The following HMGA2 variants were observed in gnomAD, a reference collection of about 807,000 sequenced individuals.
The protein encoded by HMGA2 is high mobility group AT-hook 2, also known as high mobility group protein HMGI-C.
HMGA2 carries 8 observed loss-of-function variants against 19.1 expected under a neutral mutation model. That is an observed-to-expected ratio of 0.42 (90% CI 0.25 to 0.76). The LOEUF (loss-of-function observed/expected upper bound fraction) is 0.76. Among genes scored for constraint, HMGA2 ranks in the 30% least tolerant of loss-of-function variants. HMGA2 has a pLI of 0.28. For synonymous variants in HMGA2, 60 were observed against 48.8 expected (o/e 1.23, Z -0.96); for missense variants, 109 against 136.3 (o/e 0.80, Z 1.00).
At chr12:65,880,499 T>C (rs1873318547) in intron 3 of HMGA2, among the ~76,000 whole-genome samples, 1 of 152,184 alleles carries the variant, frequency 6.6e-6, no homozygotes, top group Admixed American at 6.5e-5. Flanking sequence ...TATGGGAAAT[T>C]AGAGACCTCA....
At chr12:65,881,945 C>G in intron 3 of HMGA2, 1 of 700,602 alleles carries the variant, frequency 1.4e-6, no homozygotes. Context: ...ATTCCAATTG[C>G]GGGGGTTCCT....
rs1458167402 is a variant in HMGA2, at chr12:65,964,011, A to G, written c.*719A>G. 4.8e-6 allele frequency: 1 copy of G among 208,398 alleles called. No individual in the cohort carries two copies. Among genetic ancestry groups the G allele is most frequent in the Non-Finnish European group, 9.8e-6 (1 of 102,280 alleles). 12.9% of individuals were successfully genotyped at this position (208,398 alleles called of 1,614,324 possible). A position where few individuals can be genotyped will look rare whatever the true frequency, so the allele number is the denominator to read the frequency against. On this transcript the variant is annotated 3_prime_UTR_variant, in exon 5 of 5. Transcript: ENST00000403681. ...ACTCTTCTATTTATGGATATCACACATATCAGCAGGAGTAATAAATTTACT... is the reference window on the plus strand; with the variant it reads ...ACTCTTCTATTTATGGATATCACACGTATCAGCAGGAGTAATAAATTTACT...
chr12:65,912,729 G>T (rs1001834030), intron 3 of HMGA2, among the ~76,000 whole-genome samples: 11 of 152,148 alleles, frequency 7.2e-5, no homozygotes, highest in Non-Finnish European at 1.6e-4. Flanking sequence ...TCTATTCCTG[G>T]ATTTAACGTC....
intron 3 of HMGA2, among the ~76,000 whole-genome samples, chr12:65,844,473 C>G (rs182446186): frequency 1.6e-4 from 24 of 152,132 alleles, no homozygotes; most frequent in Admixed American, 1.5e-3. Flanking sequence ...TAGTTTACCA[C>G]AAAATTCACT....
At chr12:65,920,125 A>AT (rs1158177581) in intron 3 of HMGA2, among the ~76,000 whole-genome samples, 1 of 152,184 alleles carries the variant, frequency 6.6e-6, no homozygotes, top group Non-Finnish European at 1.5e-5. Flanking sequence ...AAACAAAACC[A>AT]TTTTTTAGTG....
At chr12:65,896,278 C>T (rs1051252501) in intron 3 of HMGA2, among the ~76,000 whole-genome samples, 5 of 152,188 alleles carry the variant, frequency 3.3e-5, no homozygotes, top group Non-Finnish European at 7.3e-5. Context: ...GCTTGTGCTC[C>T]CAGGAATTTT....
intron 3 of HMGA2, among the ~76,000 whole-genome samples, chr12:65,948,715 C>CCTTTCCCTTTTTA: frequency 6.6e-6 from 1 of 152,162 alleles, no homozygotes; most frequent in Admixed American, 6.5e-5. Context: ...AGTGCTGTGT[C>CCTTTCCCTTTTTA]TGAGGGTAGC....
At chr12:65,845,450 G>A (rs1871194277) in intron 3 of HMGA2, among the ~76,000 whole-genome samples, 1 of 151,992 alleles carries the variant, frequency 6.6e-6, no homozygotes, top group Non-Finnish European at 1.5e-5. Flanking sequence ...TGTTTTTTTA[G>A]TAGAGACGCA....
intron 3 of HMGA2, among the ~76,000 whole-genome samples, chr12:65,839,199 A>G (rs539917287): frequency 1.3e-5 from 2 of 152,158 alleles, no homozygotes; most frequent in South Asian, 4.2e-4. Context: ...CTATAGGCAC[A>G]CAGATCCTGT....
intron 2 of HMGA2, among the ~76,000 whole-genome samples, chr12:65,829,837 C>T (rs921572088): frequency 6.6e-6 from 1 of 151,900 alleles, no homozygotes; most frequent in Non-Finnish European, 1.5e-5. Context: ...GCCTAGTTTA[C>T]CACCTAAAGC....
intron 3 of HMGA2, chr12:65,843,176 G>A (rs1054543952): frequency 3.5e-5 from 8 of 226,054 alleles, no homozygotes; most frequent in Non-Finnish European, 7.0e-5. Flanking sequence ...CCAAGGACCA[G>A]ATGCTTAAAG....
intron 3 of HMGA2, among the ~76,000 whole-genome samples, chr12:65,935,419 C>A (rs575695118): frequency 2.0e-5 from 3 of 152,236 alleles, no homozygotes; most frequent in African/African-American, 7.2e-5. Context: ...AATGACATCT[C>A]TTTGACAGAA....
chr12:65,890,961 C>A (rs1873879617), intron 3 of HMGA2, among the ~76,000 whole-genome samples: 1 of 152,074 alleles, frequency 6.6e-6, no homozygotes, highest in Non-Finnish European at 1.5e-5. Context: ...GAACTCCTGA[C>A]CTCAAGTGAT....
At chr12:65,832,731 T>G (rs1447376628) in intron 2 of HMGA2, among the ~76,000 whole-genome samples, 1 of 152,056 alleles carries the variant, frequency 6.6e-6, no homozygotes, top group African/African-American at 2.4e-5. Flanking sequence ...ATTGCATTAT[T>G]TCATATTGTT....
chr12:65,837,299 C>A (rs1287363861), intron 2 of HMGA2, among the ~76,000 whole-genome samples: 1 of 152,156 alleles, frequency 6.6e-6, no homozygotes, highest in Non-Finnish European at 1.5e-5. Context: ...TATTTTATCT[C>A]TCATCTACCT....
chr12:65,829,788 A>T (rs1047168978), intron 2 of HMGA2, among the ~76,000 whole-genome samples: 2 of 152,030 alleles, frequency 1.3e-5, no homozygotes, highest in Non-Finnish European at 2.9e-5. Context: ...ACCACTGACT[A>T]ACAAAATTTG....
intron 3 of HMGA2, chr12:65,881,578 A>T: frequency 1.7e-6 from 1 of 601,626 alleles, no homozygotes; most frequent in Non-Finnish European, 3.0e-6. Flanking sequence ...TCCAGTTATG[A>T]CTGGAACTGT....
chr12:65,899,117 A>G (rs1011589997), intron 3 of HMGA2, among the ~76,000 whole-genome samples: 1 of 151,638 alleles, frequency 6.6e-6, no homozygotes, highest in Non-Finnish European at 1.5e-5. Context: ...TTAAAAGACA[A>G]TGGAGTCAAT....
chr12:65,849,734 G>GTCTT (rs1309933646), intron 3 of HMGA2, among the ~76,000 whole-genome samples: 1 of 102,032 alleles, frequency 9.8e-6, no homozygotes, highest in East Asian at 3.1e-4. Context: ...GGTAGGCTCT[G>GTCTT]TATTTTTTTT....
Sources: gnomAD v4.1 joint callset for allele counts (sites outside exome capture counted in the v4.1 genomes callset) on GRCh38, gnomAD v4.1.1 for gene constraint, MANE v1.5 for transcripts, NCBI Gene and HGNC (gene_info 2026-07-23, HGNC 2026-07-21) for gene names.